ZBTB20: variants seen among roughly 807,000 people sequenced by gnomAD.
ZBTB20 encodes the protein zinc finger and BTB domain-containing protein 20.
Under a neutral mutation model 56.9 loss-of-function variants are expected in ZBTB20, and 9 were observed. That is an observed-to-expected ratio of 0.16 (90% CI 0.10 to 0.28). The LOEUF (loss-of-function observed/expected upper bound fraction) is 0.28. ZBTB20 is among the 10% of genes least tolerant of loss of function. The pLI is 1.00. For missense variants in ZBTB20, 655 were observed against 1,003.0 expected, an observed-to-expected ratio of 0.65 and a Z score of 4.69; for synonymous variants, 417 against 420.7, an observed-to-expected ratio of 0.99 and a Z score of 0.11.
intron 4 of ZBTB20, among the ~76,000 whole-genome samples, chr3:114,806,286 C>A (rs775190400): frequency 1.3e-5 from 2 of 151,818 alleles, no homozygotes; most frequent in South Asian, 2.1e-4. Flanking sequence ...GCCATTCTAG[C>A]GGGTGTGAAG....
intron 3 of ZBTB20, among the ~76,000 whole-genome samples, chr3:114,966,940 G>A (rs764784453): frequency 9.2e-5 from 14 of 152,084 alleles, no homozygotes; most frequent in Non-Finnish European, 1.9e-4. Flanking sequence ...TATAAGAAAA[G>A]AGTCACCTTC....
intron 6 of ZBTB20, among the ~76,000 whole-genome samples, chr3:114,659,587 T>G (rs1468755469): frequency 6.6e-6 from 1 of 152,136 alleles, no homozygotes; most frequent in Non-Finnish European, 1.5e-5. Flanking sequence ...AAATCTAAAC[T>G]GGATTATGCC....
Position 114,818,871 on chromosome 3 carries a change from A to C in ZBTB20, c.-416-17697T>G, listed in dbSNP as rs1439454453. 2.0e-5 allele frequency among the ~76,000 whole-genome samples: 3 copies of C among 152,038 alleles called. No individual in the cohort carries two copies. The East Asian group carries it at 5.8e-4, about 29-fold the overall frequency. On this transcript the variant is annotated intron_variant, in intron 4 of 11. Coordinates refer to ENST00000675478, the MANE Select transcript of ZBTB20 (RefSeq NM_001348800.3). The stretch of plus-strand genomic sequence containing the variant: ...AACAGGAATAAGAAAGGAAATAGAC[A>C]GTCATCTTTGTTAGGAGATAATTTA...
chr3:115,033,939 T>C (rs1341385265), intron 2 of ZBTB20, among the ~76,000 whole-genome samples: 1 of 151,744 alleles, frequency 6.6e-6, no homozygotes, highest in African/African-American at 2.4e-5. Context: ...AATGCAAGGA[T>C]TTTTAACAGA....
At chr3:114,989,755 GT>G (rs1453997471) in intron 2 of ZBTB20, among the ~76,000 whole-genome samples, 1 of 152,070 alleles carries the variant, frequency 6.6e-6, no homozygotes, top group African/African-American at 2.4e-5. Flanking sequence ...TCTTCCATTT[GT>G]TTGTGTCCTC....
At chr3:114,889,213 AC>A (rs1397488129) in intron 4 of ZBTB20, among the ~76,000 whole-genome samples, 1 of 151,970 alleles carries the variant, frequency 6.6e-6, no homozygotes, top group Non-Finnish European at 1.5e-5. Flanking sequence ...GACTCTCAAA[AC>A]CATAAGGATG....
At chr3:114,543,566 CA>C (rs2049370617) in intron 6 of ZBTB20, among the ~76,000 whole-genome samples, 1 of 152,166 alleles carries the variant, frequency 6.6e-6, no homozygotes, top group Non-Finnish European at 1.5e-5. Context: ...TTCTTAACAA[CA>C]ACTAGTAAAT....
At position 115,075,745 on chromosome 3, in the gene ZBTB20, C is replaced by T. The variant is rs940871977; in HGVS notation, c.-702-4331G>A. 3.3e-5 allele frequency among the ~76,000 whole-genome samples: 5 copies of T among 152,206 alleles called. No homozygotes were observed. The South Asian group carries it at 1.0e-3, about 32-fold the overall frequency. On this transcript the variant is annotated intron_variant, in intron 1 of 11. Transcript: ENST00000675478. ...ACAGCAAGGATGTTCACTCTCGGCA[C>T]TTCTATTCTACATAGTACTGGAAGT... is the stretch of plus-strand genomic sequence containing the variant.
intron 1 of ZBTB20, among the ~76,000 whole-genome samples, chr3:115,118,721 T>G (rs2084093937): frequency 1.4e-5 from 2 of 140,820 alleles, no homozygotes; most frequent in Admixed American, 1.4e-4. Context: ...TTTTTTTTTT[T>G]TTTTTTTTTT....
At chr3:114,612,282 C>T (rs1357921670) in intron 6 of ZBTB20, among the ~76,000 whole-genome samples, 1 of 152,120 alleles carries the variant, frequency 6.6e-6, no homozygotes, top group Non-Finnish European at 1.5e-5. Context: ...CGTTATTGCT[C>T]ATGTTGGTGC....
intron 6 of ZBTB20, among the ~76,000 whole-genome samples, chr3:114,576,410 G>C (rs909646953): frequency 6.7e-5 from 10 of 148,894 alleles, no homozygotes; most frequent in Admixed American, 1.4e-4. Flanking sequence ...GCTGAGGCAG[G>C]AGAACGGCGT....
chr3:115,029,391 T>A (rs975672338), intron 2 of ZBTB20, among the ~76,000 whole-genome samples: 2 of 150,510 alleles, frequency 1.3e-5, no homozygotes, highest in African/African-American at 2.4e-5. Context: ...AAATCTCTTA[T>A]AAAAAATTGG....
chr3:114,968,688 C>T (rs879305740), intron 3 of ZBTB20, among the ~76,000 whole-genome samples: 11 of 152,080 alleles, frequency 7.2e-5, no homozygotes, highest in South Asian at 2.1e-4. Flanking sequence ...CCCCAATTCA[C>T]GAATGAACTC....
chr3:114,645,127 G>C (rs1041373624), intron 6 of ZBTB20, among the ~76,000 whole-genome samples: 2 of 152,002 alleles, frequency 1.3e-5, no homozygotes, highest in African/African-American at 4.8e-5. Context: ...ATTACAGTAA[G>C]AGCCATCCAT....
intron 2 of ZBTB20, among the ~76,000 whole-genome samples, chr3:114,994,928 T>C (rs2108176002): frequency 6.6e-6 from 1 of 151,994 alleles, no homozygotes; most frequent in African/African-American, 2.4e-5. Context: ...AAATAGCTCA[T>C]GGCCCACCTG....
intron 6 of ZBTB20, among the ~76,000 whole-genome samples, chr3:114,532,316 C>T (rs1451115536): frequency 2.6e-5 from 4 of 152,124 alleles, no homozygotes; most frequent in African/African-American, 7.2e-5. Context: ...GGGTGTCCAC[C>T]ATTACTGAGG....
rs1447227723 is a variant in ZBTB20 at position 114,419,859 on chromosome 3, AAATCTTT to A, written c.-254-30761_-254-30755del. On this transcript the variant is annotated intron_variant, in intron 7 of 11. Coordinates refer to ENST00000675478, the MANE Select transcript of ZBTB20 (RefSeq NM_001348800.3). ...TATGAATGTGGGAAATAAATTGGCT[AAATCTTT>A]AAATATCATAAATTGTTCGAAGCTG... 6.6e-5 allele frequency among the ~76,000 whole-genome samples: 10 copies of A among 152,262 alleles called. No homozygotes were observed. In the East Asian group the frequency reaches 7.7e-4, roughly 12 times the overall value.
chr3:114,817,172 A>T (rs1002033076), intron 4 of ZBTB20, among the ~76,000 whole-genome samples: 2 of 146,908 alleles, frequency 1.4e-5, no homozygotes, highest in Non-Finnish European at 3.0e-5. Flanking sequence ...AGTCTATATG[A>T]AATATATTTA....
chr3:114,866,230 C>A (rs1323265747), intron 4 of ZBTB20, among the ~76,000 whole-genome samples: 1 of 152,188 alleles, frequency 6.6e-6, no homozygotes, highest in Non-Finnish European at 1.5e-5. Flanking sequence ...ATTTAATTAT[C>A]ATAATAACTC....
Sources: allele counts gnomAD v4.1 joint callset (sites outside exome capture counted in the v4.1 genomes callset), GRCh38; gene constraint gnomAD v4.1.1; transcripts MANE v1.5; gene names NCBI Gene and HGNC (gene_info 2026-07-23, HGNC 2026-07-21).